The following OGG1 variants were observed in gnomAD, a reference collection of about 807,000 sequenced individuals.
OGG1 encodes the protein 8-oxoguanine DNA glycosylase.
OGG1 carries 35 observed loss-of-function variants against 42.3 expected under a neutral mutation model. That is an observed-to-expected ratio of 0.83 (90% CI 0.63 to 1.10). OGG1 has a LOEUF of 1.10. Among genes scored for constraint, OGG1 ranks in the 50% least tolerant of loss-of-function variants. The pLI is 0.00. For synonymous variants in OGG1, 189 were observed against 179.0 expected, an observed-to-expected ratio of 1.06 and a Z score of -0.44; for missense variants, 484 against 446.7, an observed-to-expected ratio of 1.08 and a Z score of -0.75.
chr3:9,775,788 T>C (rs912789013), intron 2 of OGG1, among the ~76,000 whole-genome samples: 3 of 152,062 alleles, frequency 2.0e-5, no homozygotes, highest in African/African-American at 7.2e-5. Flanking sequence ...TACAGGTGCG[T>C]GCCACCATGC....
rs2077285024 is a variant in OGG1 at position 9,751,146 on chromosome 3, G to C, written c.339G>C (p.Trp113Cys). Reference protein sequence around the residue: ...DVTLAQLYHHWGSVDSHFQEV... With the variant: ...DVTLAQLYHHCGSVDSHFQEV... ...CCCTGGCTCAACTGTATCACCACTG[G>C]GGTTCCGTGGACTCCCACTTCCAAG... is the stretch of plus-strand genomic sequence containing the variant. Residue 113 changes from tryptophan to cysteine, a missense_variant, in exon 2 of 7, where the codon TGG (tryptophan) becomes TGC (cysteine). Transcript: ENST00000344629. The C allele has an allele frequency of 6.2e-7, 1 of 1,614,116 alleles. No individual in the cohort carries two copies. Among genetic ancestry groups the C allele is most frequent in the Non-Finnish European group, 8.5e-7 (1 of 1,180,006 alleles).
chr3:9,789,681 GA>G (rs1559720969), downstream of OGG1: 25 of 1,609,250 alleles, frequency 1.6e-5, no homozygotes, highest in Non-Finnish European at 2.0e-5. Context: ...CCAGAACCTT[GA>G]GGCCCCCTTC....
chr3:9,780,050 CAG>C lies in OGG1; in HGVS notation c.295-1462_295-1461del, dbSNP rs1181796454. 1.1e-5 allele frequency: 3 copies of C among 279,354 alleles called. No homozygotes were observed. The South Asian group carries it at 4.0e-4, about 37-fold the overall frequency. The allele number at this position is 279,354 out of a possible 1,614,324, so 17.3% of individuals were successfully genotyped here. On this transcript the variant is annotated intron_variant, in intron 2 of 3. Transcript: ENST00000426518. ...AAGGGAGAAGTCCTTGAAGGGGAGA[CAG>C]GGGTAGGGGATTAGGGAGTGGGGGA...
intron 4 of OGG1, 136 bp downstream of exon 4, chr3:9,755,021 T>A: frequency 2.8e-6 from 2 of 720,424 alleles, no homozygotes; most frequent in Non-Finnish European, 4.8e-6. Context: ...TAAGTAGATG[T>A]TTTATGAGAG....
intron 7 of OGG1, chr3:9,763,210 G>T (rs751099623): frequency 1.2e-6 from 2 of 1,613,810 alleles, no homozygotes; most frequent in South Asian, 2.2e-5. Flanking sequence ...TGGGGTGCTT[G>T]ATCCTGAAAG....
At chr3:9,771,692 C>T (rs1331008386), downstream of OGG1, among the ~76,000 whole-genome samples, 1 of 152,026 alleles carries the variant, frequency 6.6e-6, no homozygotes, top group African/African-American at 2.4e-5. Flanking sequence ...CTCCCCTATA[C>T]CCACCAAGCA....
chr3:9,769,954 C>T (rs1205148678), downstream of OGG1: 1 of 152,152 alleles, frequency 6.6e-6, no homozygotes, highest in Admixed American at 6.5e-5. Flanking sequence ...AGCTGGGGCT[C>T]GGCTCGGCTC....
intron 3 of OGG1, chr3:9,787,265 G>A (rs369910263): frequency 1.1e-5 from 18 of 1,614,074 alleles, no homozygotes; most frequent in African/African-American, 2.7e-5. Flanking sequence ...GCCGCTGCCC[G>A]GGCCCCATCC....
chr3:9,750,826 G>C (rs1183399648), intron 1 of OGG1, 119 bp from the exon 2 acceptor site: 6 of 1,231,974 alleles, frequency 4.9e-6, no homozygotes, highest in African/African-American at 1.5e-5. Context: ...GCTCAGACTG[G>C]AAGATAGCAC....
intron 3 of OGG1, among the ~76,000 whole-genome samples, chr3:9,784,711 A>G (rs1006438458): frequency 1.3e-5 from 2 of 152,032 alleles, no homozygotes; most frequent in African/African-American, 4.8e-5. Context: ...CTAAAAATAC[A>G]AAAATGAGCC....
chr3:9,777,842 T>C (rs1268927600), intron 2 of OGG1, among the ~76,000 whole-genome samples: 1 of 152,038 alleles, frequency 6.6e-6, no homozygotes, highest in Non-Finnish European at 1.5e-5. Flanking sequence ...CCAGTGAACA[T>C]GGAAGTGAGT....
At chr3:9,780,324 G>C (rs775263472) in intron 2 of OGG1, 2 of 1,589,490 alleles carry the variant, frequency 1.3e-6, no homozygotes, top group Non-Finnish European at 1.7e-6. Flanking sequence ...CCCTCCCCTA[G>C]GCCAGATAAT....
chr3:9,787,033 C>A (rs148171213), intron 3 of OGG1: 2 of 1,614,076 alleles, frequency 1.2e-6, no homozygotes, highest in African/African-American at 2.7e-5. Context: ...GGAGGCGCTG[C>A]GTCAGGGCAC....
At chr3:9,786,625 G>A (rs566476499) in intron 3 of OGG1, among the ~76,000 whole-genome samples, 1 of 152,318 alleles carries the variant, frequency 6.6e-6, no homozygotes. Flanking sequence ...CCTCCAGTGG[G>A]AGGATGTGTA....
chr3:9,751,295 G>A, intron 2 of OGG1, 103 bp downstream of exon 2: 1 of 1,222,798 alleles, frequency 8.2e-7, no homozygotes, highest in Non-Finnish European at 1.2e-6. Flanking sequence ...CTACTTCATA[G>A]GCTTTTATGA....
chr3:9,750,270 C>G lies in OGG1; in HGVS notation c.-17C>G, dbSNP rs367778243. Reference sequence around the variant, plus strand: ...CTGGGTAGGCGGGGCTACTACGGGGCGGTGCCTGCTGTGGAAATGCCTGCC... The same window carrying G: ...CTGGGTAGGCGGGGCTACTACGGGGGGGTGCCTGCTGTGGAAATGCCTGCC... On this transcript the variant is annotated 5_prime_UTR_variant, in exon 1 of 7. Coordinates refer to ENST00000344629, the MANE Select transcript of OGG1 (RefSeq NM_002542.6). 1.2e-6 allele frequency: 2 copies of G among 1,602,336 alleles called. No homozygotes were observed. Among genetic ancestry groups the G allele is most frequent in the Non-Finnish European group, 1.7e-6 (2 of 1,174,218 alleles).
chr3:9,782,175 TCTCTCTCTTC>T (rs2078484914), intron 3 of OGG1, among the ~76,000 whole-genome samples: 1 of 152,130 alleles, frequency 6.6e-6, no homozygotes, highest in African/African-American at 2.4e-5. Flanking sequence ...TGCCTGCTTT[TCTCTCTCTTC>T]CTCTCTCTCC....
At chr3:9,752,994 A>G (rs1055210185) in intron 3 of OGG1, among the ~76,000 whole-genome samples, 1 of 151,806 alleles carries the variant, frequency 6.6e-6, no homozygotes, top group African/African-American at 2.4e-5. Context: ...GCTCCAGTGA[A>G]CCAAGATCAG....
chr3:9,781,028 C>T (rs2078447865), intron 2 of OGG1, among the ~76,000 whole-genome samples: 2 of 151,886 alleles, frequency 1.3e-5, no homozygotes, highest in South Asian at 4.1e-4. Flanking sequence ...GTCCCAACTC[C>T]AAGGGAGCTG....
Sources: allele counts gnomAD v4.1 joint callset (sites outside exome capture counted in the v4.1 genomes callset), GRCh38; gene constraint gnomAD v4.1.1; transcripts MANE v1.5; gene names NCBI Gene and HGNC (gene_info 2026-07-23, HGNC 2026-07-21).